IMMP2L: variants seen among roughly 807,000 people sequenced by gnomAD.
IMMP2L encodes mitochondrial inner membrane protease subunit 2.
Under a neutral mutation model 19.3 loss-of-function variants are expected in IMMP2L, and 18 were observed. The observed-to-expected ratio is 0.93, with a 90% confidence interval of 0.64 to 1.38. IMMP2L has a LOEUF of 1.38. Among genes scored for constraint, IMMP2L ranks in the 40% most tolerant of loss-of-function variants. IMMP2L has a pLI of 0.00. For missense variants in IMMP2L, 233 were observed against 218.2 expected, an observed-to-expected ratio of 1.07 and a Z score of -0.43; for synonymous variants, 76 against 73.0, an observed-to-expected ratio of 1.04 and a Z score of -0.21.
chr7:111,295,115 T>C (rs1015169423), intron 3 of IMMP2L, among the ~76,000 whole-genome samples: 9 of 151,918 alleles, frequency 5.9e-5, no homozygotes, highest in African/African-American at 1.9e-4. Flanking sequence ...CTTTACTAGA[T>C]AGGAGACTTT....
chr7:110,743,150 T>C (rs1448774015), intron 5 of IMMP2L, among the ~76,000 whole-genome samples: 2 of 152,210 alleles, frequency 1.3e-5, no homozygotes, highest in African/African-American at 4.8e-5. Context: ...GTTCTCAAAA[T>C]TAAAAAATAT....
At chr7:111,293,553 A>T (rs1821333617) in intron 3 of IMMP2L, among the ~76,000 whole-genome samples, 1 of 151,938 alleles carries the variant, frequency 6.6e-6, no homozygotes, top group African/African-American at 2.4e-5. Flanking sequence ...GCACTTACGG[A>T]TATGCTTCAA....
chr7:111,107,451 G>T (rs1330202467), intron 3 of IMMP2L, among the ~76,000 whole-genome samples: 2 of 151,928 alleles, frequency 1.3e-5, no homozygotes. Flanking sequence ...AGAAATTCTG[G>T]ATAGTTCTTT....
chr7:111,139,766 C>A (rs1340119024), intron 3 of IMMP2L, among the ~76,000 whole-genome samples: 2 of 152,038 alleles, frequency 1.3e-5, no homozygotes, highest in African/African-American at 2.4e-5. Flanking sequence ...ATAAAAAAAA[C>A]TATTTTGAGC....
intron 2 of IMMP2L, among the ~76,000 whole-genome samples, chr7:111,518,557 T>C (rs1382905162): frequency 6.6e-6 from 1 of 152,104 alleles, no homozygotes. Flanking sequence ...TTAGAGAAAT[T>C]TAAAGAGAAG....
At chr7:111,209,231 A>G (rs1437326936) in intron 3 of IMMP2L, among the ~76,000 whole-genome samples, 1 of 152,018 alleles carries the variant, frequency 6.6e-6, no homozygotes. Flanking sequence ...CTCCCTCTCT[A>G]ATAAAAATAT....
chr7:111,209,372 C>T (rs1401933958), intron 3 of IMMP2L, among the ~76,000 whole-genome samples: 1 of 133,288 alleles, frequency 7.5e-6, no homozygotes, highest in Non-Finnish European at 1.5e-5. Context: ...ACTCCAGCCT[C>T]GGCGACAGAG....
chr7:111,342,609 T>A (rs1022079613), intron 3 of IMMP2L, among the ~76,000 whole-genome samples: 2 of 151,754 alleles, frequency 1.3e-5, no homozygotes, highest in Admixed American at 1.3e-4. Context: ...AGAATAAAGG[T>A]CATATACAAT....
intron 2 of IMMP2L, among the ~76,000 whole-genome samples, chr7:111,509,763 A>C (rs985616087): frequency 1.2e-4 from 19 of 152,200 alleles, no homozygotes; most frequent in Non-Finnish European, 2.5e-4. Flanking sequence ...TTTGTCAAGA[A>C]GCTAAAAACT....
Position 111,514,866 on chromosome 7 carries a change from T to G in IMMP2L, c.135+6447A>C, listed in dbSNP as rs566203902. ...ATGAGGATAAGGGTTTTTTTTAACA[T>G]AACAGCAGTAAATACCATTATCACC... On this transcript the variant is annotated intron_variant, in intron 2 of 5. Transcript: ENST00000405709. Among the ~76,000 whole-genome samples the G allele has an allele frequency of 3.0e-4, 46 of 152,190 alleles. No homozygotes were observed. In the South Asian group the frequency reaches 9.5e-3, roughly 32 times the overall value.
intron 3 of IMMP2L, among the ~76,000 whole-genome samples, chr7:111,347,479 C>T (rs1291916870): frequency 6.6e-6 from 1 of 152,058 alleles, no homozygotes; most frequent in East Asian, 1.9e-4. Flanking sequence ...CCTACCCTAA[C>T]TCCTGACCTG....
chr7:110,955,340 A>G (rs1258346960), intron 4 of IMMP2L, among the ~76,000 whole-genome samples: 1 of 151,984 alleles, frequency 6.6e-6, no homozygotes, highest in African/African-American at 2.4e-5. Context: ...CTTTAACAAG[A>G]AAAAGGTAAG....
At chr7:111,167,782 T>C (rs1805992692) in intron 3 of IMMP2L, among the ~76,000 whole-genome samples, 2 of 151,964 alleles carry the variant, frequency 1.3e-5, no homozygotes, top group Admixed American at 6.6e-5. Context: ...CTCGGAATCC[T>C]CAGTAAAATA....
intron 3 of IMMP2L, among the ~76,000 whole-genome samples, chr7:111,334,142 C>A (rs550394943): frequency 6.6e-6 from 1 of 151,710 alleles, no homozygotes; most frequent in Non-Finnish European, 1.5e-5. Context: ...ATCATCTATA[C>A]CATTTTTAAG....
intron 5 of IMMP2L, among the ~76,000 whole-genome samples, chr7:110,691,372 A>G (rs542104672): frequency 6.6e-6 from 1 of 152,276 alleles, no homozygotes; most frequent in Admixed American, 6.5e-5. Flanking sequence ...ATTCTAGAAG[A>G]AAACCCAGGA....
intron 3 of IMMP2L, among the ~76,000 whole-genome samples, chr7:111,251,046 A>G (rs1463688797): frequency 6.6e-6 from 1 of 152,168 alleles, no homozygotes; most frequent in Non-Finnish European, 1.5e-5. Flanking sequence ...AGAAACAAAC[A>G]AATTTACAGG....
rs184861412 is a variant in IMMP2L, at chr7:110,723,599, A to G, written c.409-59878T>C. ...GTAGTTCTAAAAATTGATTGATGGAAAAAAGACACAGGCCATATGTGTGGT... is the reference window on the plus strand; with the variant it reads ...GTAGTTCTAAAAATTGATTGATGGAGAAAAGACACAGGCCATATGTGTGGT... On this transcript the variant is annotated intron_variant, in intron 5 of 5. Transcript: ENST00000405709. 4.4e-3 allele frequency among the ~76,000 whole-genome samples: 675 copies of G among 152,290 alleles called. 4 individuals are homozygous for G. The highest frequency in any genetic ancestry group is 0.016 in the African/African-American group (655 of 41,586).
intron 3 of IMMP2L, among the ~76,000 whole-genome samples, chr7:111,088,474 G>C (rs1796544238): frequency 6.6e-6 from 1 of 152,156 alleles, no homozygotes; most frequent in Non-Finnish European, 1.5e-5. Flanking sequence ...GGGAGAGAAG[G>C]AGGGAGAGTA....
At chr7:111,118,097 T>G (rs1800112341) in intron 3 of IMMP2L, among the ~76,000 whole-genome samples, 2 of 152,126 alleles carry the variant, frequency 1.3e-5, no homozygotes, top group Non-Finnish European at 2.9e-5. Flanking sequence ...CTCTCCTTTG[T>G]GCATCCACAG....
Sources: gnomAD v4.1 joint callset for allele counts (sites outside exome capture counted in the v4.1 genomes callset) on GRCh38, gnomAD v4.1.1 for gene constraint, MANE v1.5 for transcripts, NCBI Gene and HGNC (gene_info 2026-07-23, HGNC 2026-07-21) for gene names.